C1QTNF3: variants seen among roughly 807,000 people sequenced by gnomAD.
C1QTNF3 encodes complement C1q tumor necrosis factor-related protein 3.
In C1QTNF3, 26 loss-of-function variants were observed where a neutral mutation model predicts 32.6. The observed-to-expected ratio is 0.80, with a 90% confidence interval of 0.58 to 1.11. The LOEUF is 1.11. Ranked by LOEUF, C1QTNF3 falls within the 50% of genes least tolerant of loss-of-function variation. The probability of loss-of-function intolerance (pLI) is 0.00; values close to 1 mark genes in which losing one functional copy is unlikely to be tolerated. For missense variants in C1QTNF3, 362 were observed against 398.2 expected (o/e 0.91, Z 0.77); for synonymous variants, 155 against 146.0 (o/e 1.06, Z -0.44).
chr5:34,055,401 A>C, the C1QTNF3 span, among the ~76,000 whole-genome samples: 1 of 152,232 alleles, frequency 6.6e-6, no homozygotes, highest in Non-Finnish European at 1.5e-5. Context: ...CACCGTATGA[A>C]AAGTATATAG....
the C1QTNF3 span, among the ~76,000 whole-genome samples, chr5:34,213,128 T>C: frequency 6.6e-6 from 1 of 152,204 alleles, no homozygotes. Flanking sequence ...AATGCATAAA[T>C]AATGAATGGA....
At chr5:34,203,266 C>T in the C1QTNF3 span, among the ~76,000 whole-genome samples, 1 of 152,006 alleles carries the variant, frequency 6.6e-6, no homozygotes, top group African/African-American at 2.4e-5. Flanking sequence ...AAAACAACAA[C>T]AAAATAACCC....
chr5:34,225,847 G>A, the C1QTNF3 span, among the ~76,000 whole-genome samples: 1 of 151,924 alleles, frequency 6.6e-6, no homozygotes, highest in African/African-American at 2.4e-5. Flanking sequence ...AACTTATTAA[G>A]AAGTCAGGTT....
the C1QTNF3 span, among the ~76,000 whole-genome samples, chr5:34,091,038 G>T: frequency 6.6e-6 from 1 of 152,116 alleles, no homozygotes; most frequent in African/African-American, 2.4e-5. Context: ...GTAGGGGAAG[G>T]GCAGAAAATA....
the C1QTNF3 span, among the ~76,000 whole-genome samples, chr5:34,172,220 C>T: frequency 8.3e-3 from 1,255 of 151,988 alleles, 5 homozygotes; most frequent in Middle Eastern, 0.02. Context: ...ACATACATAG[C>T]TATGGTAAAG....
chr5:34,063,975 C>T, the C1QTNF3 span, among the ~76,000 whole-genome samples: 1 of 152,128 alleles, frequency 6.6e-6, no homozygotes, highest in Non-Finnish European at 1.5e-5. Context: ...GCCATGATCT[C>T]AACCAGCTAA....
At chr5:34,044,843 C>T (rs1449978858), upstream of C1QTNF3, among the ~76,000 whole-genome samples, 1 of 152,172 alleles carries the variant, frequency 6.6e-6, no homozygotes, top group Admixed American at 6.5e-5. Context: ...CTGGAGGATT[C>T]CTTGAGTTCT....
At chr5:34,216,497 A>C in the C1QTNF3 span, among the ~76,000 whole-genome samples, 1 of 152,174 alleles carries the variant, frequency 6.6e-6, no homozygotes, top group African/African-American at 2.4e-5. Context: ...ATTTGTACCG[A>C]TATTTTCCCT....
At chr5:34,065,722 C>T in the C1QTNF3 span, among the ~76,000 whole-genome samples, 1 of 151,670 alleles carries the variant, frequency 6.6e-6, no homozygotes, top group East Asian at 1.9e-4. Flanking sequence ...GAATAAAGAA[C>T]ACTTATACAC....
chr5:34,204,395 T>C, the C1QTNF3 span, among the ~76,000 whole-genome samples: 2 of 152,242 alleles, frequency 1.3e-5, no homozygotes, highest in South Asian at 2.1e-4. Flanking sequence ...ATATGCCCTA[T>C]AGAATACTAT....
At chr5:34,070,974 T>C in the C1QTNF3 span, among the ~76,000 whole-genome samples, 1 of 152,198 alleles carries the variant, frequency 6.6e-6, no homozygotes, top group East Asian at 1.9e-4. Context: ...TCAATAAGCA[T>C]TAGCTATCGT....
At chr5:34,060,191 C>G in the C1QTNF3 span, among the ~76,000 whole-genome samples, 2 of 152,128 alleles carry the variant, frequency 1.3e-5, no homozygotes, top group African/African-American at 4.8e-5. Context: ...AATAATAGAC[C>G]AAACAAAGTA....
the C1QTNF3 span, among the ~76,000 whole-genome samples, chr5:34,220,594 G>A: frequency 2.0e-5 from 3 of 151,688 alleles, no homozygotes; most frequent in Non-Finnish European, 4.4e-5. Flanking sequence ...TAGTGTATAT[G>A]CAACTTGTGT....
the C1QTNF3 span, among the ~76,000 whole-genome samples, chr5:34,087,470 CT>C: frequency 6.6e-6 from 1 of 150,466 alleles, no homozygotes; most frequent in Admixed American, 6.6e-5. Context: ...AGCCTGGGCT[CT>C]TTTAAAAAAA....
At chr5:34,224,158 A>G in the C1QTNF3 span, among the ~76,000 whole-genome samples, 1 of 152,228 alleles carries the variant, frequency 6.6e-6, no homozygotes, top group South Asian at 2.1e-4. Context: ...AAGAGGATAC[A>G]AAGAAATAGA....
At chr5:34,027,893 G>A (rs994604348) in intron 4 of C1QTNF3, among the ~76,000 whole-genome samples, 3 of 151,428 alleles carry the variant, frequency 2.0e-5, no homozygotes, top group African/African-American at 7.3e-5. Flanking sequence ...TTTTTTTAAA[G>A]CAAGACACAA....
At chr5:34,221,992 AG>A in the C1QTNF3 span, among the ~76,000 whole-genome samples, 1 of 152,034 alleles carries the variant, frequency 6.6e-6, no homozygotes, top group African/African-American at 2.4e-5. Context: ...CAGGAATGAG[AG>A]GGTCCAAGCT....
chr5:34,116,282 G>A, the C1QTNF3 span, among the ~76,000 whole-genome samples: 8 of 151,964 alleles, frequency 5.3e-5, no homozygotes, highest in East Asian at 9.6e-4. Context: ...AATGTTCCAC[G>A]TGCACTTTAA....
chr5:34,108,449 T>G, the C1QTNF3 span, among the ~76,000 whole-genome samples: 2 of 152,190 alleles, frequency 1.3e-5, no homozygotes, highest in Admixed American at 1.3e-4. Flanking sequence ...CAGAATAGCA[T>G]GGTTCTTAAA....
Sources: allele counts gnomAD v4.1 joint callset (sites outside exome capture counted in the v4.1 genomes callset), GRCh38; gene constraint gnomAD v4.1.1; transcripts MANE v1.5; gene names NCBI Gene and HGNC (gene_info 2026-07-23, HGNC 2026-07-21).